Variants in PTPRD observed in about 807,000 individuals in gnomAD.
PTPRD encodes the protein protein tyrosine phosphatase receptor type D.
PTPRD carries 34 observed loss-of-function variants against 214.5 expected under a neutral mutation model. The ratio of observed to expected loss-of-function variants is 0.16; its 90% confidence interval spans 0.12 to 0.21. The LOEUF is 0.21. PTPRD is among the 10% of genes least tolerant of loss of function. The pLI is 1.00. For missense variants in PTPRD, 2,545 were observed against 2,398.7 expected, an observed-to-expected ratio of 1.06 and a Z score of -1.27; for synonymous variants, 1,128 against 845.7, an observed-to-expected ratio of 1.33 and a Z score of -5.79.
intron 9 of PTPRD, among the ~76,000 whole-genome samples, chr9:9,275,199 T>TATATATATATATGTTATATATATATA (rs1491465404): frequency 9.6e-5 from 1 of 10,402 alleles, no homozygotes; most frequent in Admixed American, 2.0e-3. Context: ...TATATATATA[T>TATATATATATATGTTATATATATATA]TATATATATA....
At chr9:8,363,185 G>C (rs963366568) in intron 39 of PTPRD, among the ~76,000 whole-genome samples, 1 of 152,082 alleles carries the variant, frequency 6.6e-6, no homozygotes, top group Non-Finnish European at 1.5e-5. Context: ...GACCATTTGA[G>C]GTTGCATCTT....
chr9:8,369,496 C>A (rs921024789), intron 39 of PTPRD, among the ~76,000 whole-genome samples: 1 of 151,268 alleles, frequency 6.6e-6, no homozygotes, highest in Admixed American at 6.6e-5. Flanking sequence ...CCTGTTGGTG[C>A]TTCTAGGACC....
At chr9:9,186,528 T>A (rs2099931605) in intron 9 of PTPRD, among the ~76,000 whole-genome samples, 1 of 152,102 alleles carries the variant, frequency 6.6e-6, no homozygotes, top group African/African-American at 2.4e-5. Context: ...GGAAGATCGA[T>A]TGAGCTCCAG....
chr9:9,598,576 T>C (rs1257943550), intron 7 of PTPRD, among the ~76,000 whole-genome samples: 2 of 152,090 alleles, frequency 1.3e-5, no homozygotes, highest in East Asian at 3.9e-4. Flanking sequence ...ATAGACCTAC[T>C]ATAGACCTTT....
At chr9:10,084,356 C>G (rs538444520) in intron 3 of PTPRD, among the ~76,000 whole-genome samples, 1 of 151,596 alleles carries the variant, frequency 6.6e-6, no homozygotes, top group African/African-American at 2.4e-5. Context: ...TAATGAGGTA[C>G]GCCAAACTGT....
chr9:9,120,524 C>T (rs2099816608), intron 10 of PTPRD, among the ~76,000 whole-genome samples: 1 of 152,186 alleles, frequency 6.6e-6, no homozygotes, highest in Non-Finnish European at 1.5e-5. Flanking sequence ...GCCTCCATTG[C>T]ATATAAAAGC....
chr9:8,887,069 T>A (rs2098497050), intron 11 of PTPRD, among the ~76,000 whole-genome samples: 1 of 152,228 alleles, frequency 6.6e-6, no homozygotes, highest in Non-Finnish European at 1.5e-5. Flanking sequence ...TATCCCCATT[T>A]TACATGTGAG....
chr9:8,716,502 T>C (rs1171999864), intron 12 of PTPRD, among the ~76,000 whole-genome samples: 3 of 152,224 alleles, frequency 2.0e-5, no homozygotes, highest in Non-Finnish European at 2.9e-5. Flanking sequence ...ACTGCTGGTA[T>C]TGAGAAATTT....
intron 8 of PTPRD, among the ~76,000 whole-genome samples, chr9:9,437,180 C>T (rs2085614899): frequency 1.3e-5 from 2 of 152,160 alleles, no homozygotes; most frequent in African/African-American, 4.8e-5. Flanking sequence ...AAGTTAAACA[C>T]AAACAACGAA....
intron 2 of PTPRD, among the ~76,000 whole-genome samples, chr9:10,426,272 T>C (rs1324071780): frequency 6.6e-6 from 1 of 152,054 alleles, no homozygotes; most frequent in Non-Finnish European, 1.5e-5. Context: ...TTTAAGTTAA[T>C]CAATTCTCAT....
chr9:9,448,923 A>T (rs1421887327), intron 8 of PTPRD, among the ~76,000 whole-genome samples: 1 of 152,062 alleles, frequency 6.6e-6, no homozygotes, highest in East Asian at 1.9e-4. Flanking sequence ...GTGAAAAAAG[A>T]GAATGTTGTA....
chr9:9,789,790 CTGTCTCAAAAAAAAAAAA>C (rs1257747234), intron 5 of PTPRD, among the ~76,000 whole-genome samples: 3 of 71,798 alleles, frequency 4.2e-5, no homozygotes, highest in African/African-American at 7.8e-5. Context: ...GAGCCAAACT[CTGTCTCAAAAAAAAAAAA>C]AAAAAAAAAA....
chr9:10,434,800 T>C (rs1387118795), intron 2 of PTPRD, among the ~76,000 whole-genome samples: 1 of 151,952 alleles, frequency 6.6e-6, no homozygotes, highest in Non-Finnish European at 1.5e-5. Context: ...AACTTTATTA[T>C]ATGCAGTTAT....
At chr9:9,675,610 A>G (rs2096914135) in intron 7 of PTPRD, among the ~76,000 whole-genome samples, 1 of 151,968 alleles carries the variant, frequency 6.6e-6, no homozygotes. Context: ...TAAAAATTTA[A>G]TCCAATAATT....
intron 7 of PTPRD, among the ~76,000 whole-genome samples, chr9:9,640,841 G>A (rs2095917281): frequency 6.6e-6 from 1 of 152,206 alleles, no homozygotes; most frequent in East Asian, 1.9e-4. Context: ...TTATTGCTAA[G>A]AGGTCATTGT....
chr9:8,778,826 C>T (rs369205037), intron 11 of PTPRD, among the ~76,000 whole-genome samples: 3 of 152,136 alleles, frequency 2.0e-5, no homozygotes, highest in African/African-American at 7.2e-5. Flanking sequence ...TAATATCATA[C>T]AGAGCCCATA....
intron 14 of PTPRD, among the ~76,000 whole-genome samples, chr9:8,560,589 C>G (rs2085825590): frequency 6.6e-6 from 1 of 151,972 alleles, no homozygotes. Context: ...TGCAGAGGAG[C>G]TGAACAAAGT....
chr9:9,590,137 C>G (rs1438236492), intron 7 of PTPRD, among the ~76,000 whole-genome samples: 1 of 151,980 alleles, frequency 6.6e-6, no homozygotes, highest in Non-Finnish European at 1.5e-5. Context: ...CCATCACTTA[C>G]TGTATGGTGA....
intron 10 of PTPRD, among the ~76,000 whole-genome samples, chr9:9,038,264 T>G (rs2099628169): frequency 6.6e-6 from 1 of 152,132 alleles, no homozygotes; most frequent in South Asian, 2.1e-4. Flanking sequence ...TTAAGGAGCA[T>G]GAGCCCAGAT....
Sources: gnomAD v4.1 joint callset for allele counts (sites outside exome capture counted in the v4.1 genomes callset) on GRCh38, gnomAD v4.1.1 for gene constraint, MANE v1.5 for transcripts, NCBI Gene and HGNC (gene_info 2026-07-23, HGNC 2026-07-21) for gene names.